Variants in SPTSSA observed in about 807,000 individuals in gnomAD.
SPTSSA encodes the protein serine palmitoyltransferase small subunit A.
SPTSSA carries 8 observed loss-of-function variants against 9.1 expected under a neutral mutation model. That is an observed-to-expected ratio of 0.88 (90% confidence interval 0.51 to 1.58). The LOEUF is 1.58. Ranked by LOEUF, SPTSSA falls within the 40% of genes most tolerant of loss-of-function variation. The pLI, the probability that SPTSSA is intolerant of heterozygous loss-of-function variation, is 0.00. For missense variants in SPTSSA, 100 were observed against 93.8 expected, an observed-to-expected ratio of 1.07 and a Z score of -0.27; for synonymous variants, 42 against 37.7, an observed-to-expected ratio of 1.11 and a Z score of -0.41.
chr14:34,435,204 T>C lies in SPTSSA; in HGVS notation c.213A>G (p.Gln71=). Residue 71 remains glutamine, a synonymous_variant, in exon 2 of 2, where the codon CAA becomes CAG. Coordinates refer to ENST00000298130, the MANE Select transcript of SPTSSA (RefSeq NM_138288.4). The part of the protein sequence containing the change: ...MAILHYFEIV[Q] ...TCTGATCCTGGTCGCATCTTGGTCATTGTACGATTTCAAAGTAGTGCAATA... is the reference window on the plus strand; with the variant it reads ...TCTGATCCTGGTCGCATCTTGGTCACTGTACGATTTCAAAGTAGTGCAATA... 1 of 1,612,924 alleles carries C rather than the reference T, an allele frequency of 6.2e-7. No homozygotes were observed. Among genetic ancestry groups the C allele is most frequent in the Middle Eastern group, 1.7e-4 (1 of 6,056 alleles).
At chr14:34,440,956 A>C (rs917519699) in intron 1 of SPTSSA, among the ~76,000 whole-genome samples, 3 of 151,962 alleles carry the variant, frequency 2.0e-5, no homozygotes, top group African/African-American at 7.3e-5. Context: ...TAAGCTTTTA[A>C]ATTTTTTACA....
At chr14:34,443,657 C>T (rs576559145) in intron 1 of SPTSSA, among the ~76,000 whole-genome samples, 36 of 151,898 alleles carry the variant, frequency 2.4e-4, no homozygotes, top group Admixed American at 9.9e-4. Context: ...TGCTTCAGCC[C>T]CCCAAGTAGC....
rs1188023688 is a variant in SPTSSA at position 34,457,523 on chromosome 14, T to A, written c.112+4573A>T. Among the ~76,000 whole-genome samples, 7 of 152,356 alleles carry A rather than the reference T, an allele frequency of 4.6e-5. No homozygotes were observed. In the East Asian group the frequency reaches 1.2e-3, roughly 25 times the overall value. ...ATATACTGTAATACTAATTGGCACTTATCAGATTCTTCTTTATTGTTACCT... is the reference window on the plus strand; with the variant it reads ...ATATACTGTAATACTAATTGGCACTAATCAGATTCTTCTTTATTGTTACCT... On this transcript the variant is annotated intron_variant, in intron 1 of 1. Transcript: ENST00000298130.
chr14:34,441,684 T>C (rs1883319106), intron 1 of SPTSSA, among the ~76,000 whole-genome samples: 1 of 151,976 alleles, frequency 6.6e-6, no homozygotes, highest in Non-Finnish European at 1.5e-5. Flanking sequence ...TCTCTCTCTT[T>C]TCCTTTCCCA....
chr14:34,435,882 A>G (rs8009289), intron 1 of SPTSSA, among the ~76,000 whole-genome samples: 13,678 of 151,950 alleles, frequency 0.09, 1,287 homozygotes, highest in African/African-American at 0.23. Context: ...CACCCATCTC[A>G]GCCTCCCAAA....
chr14:34,455,945 C>G (rs1341380237), intron 1 of SPTSSA, among the ~76,000 whole-genome samples: 2 of 147,740 alleles, frequency 1.4e-5, no homozygotes, highest in East Asian at 4.1e-4. Flanking sequence ...AAAAAAAAGT[C>G]CTTTTTAATT....
intron 1 of SPTSSA, among the ~76,000 whole-genome samples, chr14:34,450,578 G>A (rs990851442): frequency 4.6e-5 from 7 of 151,604 alleles, no homozygotes; most frequent in African/African-American, 1.7e-4. Context: ...ATATTCTAGA[G>A]GGGGTTCCAT....
At chr14:34,461,909 A>AC (rs1245452047) in intron 1 of SPTSSA, among the ~76,000 whole-genome samples, 187 bp downstream of exon 1, 8 of 93,680 alleles carry the variant, frequency 8.5e-5, no homozygotes, top group East Asian at 6.8e-4. Flanking sequence ...CGTCTCCCCC[A>AC]CCCCCCACTT....
At chr14:34,445,375 C>T (rs147912734) in intron 1 of SPTSSA, among the ~76,000 whole-genome samples, 311 of 152,172 alleles carry the variant, frequency 2.0e-3, no homozygotes, top group Admixed American at 5.1e-3. Flanking sequence ...GTGGCATGCA[C>T]CTGTAATCCC....
intron 1 of SPTSSA, among the ~76,000 whole-genome samples, chr14:34,438,263 T>C (rs1304385515): frequency 2.6e-5 from 3 of 113,944 alleles, no homozygotes; most frequent in Middle Eastern, 4.6e-3. Context: ...CCTAAATGCT[T>C]GAGTTGAGAA....
At chr14:34,457,556 T>G (rs1457706093) in intron 1 of SPTSSA, among the ~76,000 whole-genome samples, 1 of 152,236 alleles carries the variant, frequency 6.6e-6, no homozygotes, top group Non-Finnish European at 1.5e-5. Flanking sequence ...CCTTTTGTCT[T>G]AATGCAGGTG....
At chr14:34,453,504 T>C (rs983587340) in intron 1 of SPTSSA, among the ~76,000 whole-genome samples, 1 of 152,178 alleles carries the variant, frequency 6.6e-6, no homozygotes, top group Non-Finnish European at 1.5e-5. Flanking sequence ...TTCAACTTTG[T>C]CCATGCTTTG....
At position 34,432,883 on chromosome 14, in the gene SPTSSA, G is replaced by A. The variant is rs1883181066; in HGVS notation, c.*2318C>T. ...CTACTGCACACTTAATAGACTACAG[G>A]ATGGTGTAAATGTAACTTTTATATG... is the stretch of plus-strand genomic sequence containing the variant. On this transcript the variant is annotated 3_prime_UTR_variant, in exon 2 of 2. Coordinates refer to ENST00000298130, the MANE Select transcript of SPTSSA (RefSeq NM_138288.4). The A allele has an allele frequency of 6.6e-6, 1 of 151,808 alleles. No individual in the cohort carries two copies. The highest frequency in any genetic ancestry group is 6.6e-5 in the Admixed American group (1 of 15,238). 9.4% of individuals were successfully genotyped at this position (151,808 alleles called of 1,614,324 possible).
intron 1 of SPTSSA, 47 bp downstream of exon 1, chr14:34,462,037 GCGGCCCCGCGGC>G: frequency 8.5e-7 from 1 of 1,174,326 alleles, no homozygotes. Context: ...CTGGGGAAAT[GCGGCCCCGCGGC>G]CCGCGCCCCC....
chr14:34,457,489 T>C (rs1253592681), intron 1 of SPTSSA, among the ~76,000 whole-genome samples: 13 of 152,224 alleles, frequency 8.5e-5, no homozygotes, highest in Non-Finnish European at 1.2e-4. Context: ...GTAGGTCTCC[T>C]TTTGTAGTAT....
chr14:34,451,755 A>G (rs1443492394), intron 1 of SPTSSA, among the ~76,000 whole-genome samples: 7 of 151,474 alleles, frequency 4.6e-5, no homozygotes, highest in Non-Finnish European at 4.4e-5. Context: ...CTAAAATGCT[A>G]TTTAACCTTA....
intron 1 of SPTSSA, among the ~76,000 whole-genome samples, chr14:34,458,737 C>G (rs1044093697): frequency 1.3e-5 from 2 of 149,782 alleles, no homozygotes; most frequent in Non-Finnish European, 3.0e-5. Context: ...ACCGCCACCG[C>G]GCCCGGCCAA....
At chr14:34,453,334 A>G (rs1594624829) in intron 1 of SPTSSA, among the ~76,000 whole-genome samples, 2 of 152,316 alleles carry the variant, frequency 1.3e-5, no homozygotes, top group South Asian at 4.1e-4. Context: ...TTTTAAGAAA[A>G]TCAGAAATTC....
At chr14:34,453,461 G>A (rs1385133257) in intron 1 of SPTSSA, among the ~76,000 whole-genome samples, 1 of 152,232 alleles carries the variant, frequency 6.6e-6, no homozygotes, top group African/African-American at 2.4e-5. Flanking sequence ...CACACTGTCT[G>A]TATTACATCA....
Sources: allele counts gnomAD v4.1 joint callset (sites outside exome capture counted in the v4.1 genomes callset), GRCh38; gene constraint gnomAD v4.1.1; transcripts MANE v1.5; gene names NCBI Gene and HGNC (gene_info 2026-07-23, HGNC 2026-07-21).